Variants in RCOR3 observed in about 807,000 individuals in gnomAD.
The protein encoded by RCOR3 is REST corepressor 3.
In RCOR3, 13 loss-of-function variants were observed where a neutral mutation model predicts 64.1. The observed-to-expected ratio is 0.20, with a 90% CI of 0.13 to 0.32. RCOR3 has a LOEUF of 0.32. RCOR3 is among the 10% of genes least tolerant of loss of function. The pLI is 1.00. For missense variants in RCOR3, 489 were observed against 701.2 expected, an observed-to-expected ratio of 0.70 and a Z score of 3.42; for synonymous variants, 215 against 239.0, an observed-to-expected ratio of 0.90 and a Z score of 0.93.
chr1:211,270,648 A>T (rs1177099871), intron 2 of RCOR3, among the ~76,000 whole-genome samples: 1 of 152,030 alleles, frequency 6.6e-6, no homozygotes, highest in East Asian at 1.9e-4. Flanking sequence ...CAGATTTATT[A>T]CCTTCTGTCA....
At chr1:211,299,062 A>C (rs1700123913) in intron 9 of RCOR3, among the ~76,000 whole-genome samples, 1 of 152,176 alleles carries the variant, frequency 6.6e-6, no homozygotes, top group Non-Finnish European at 1.5e-5. Context: ...AATTAAGTCA[A>C]ATGGAAAGAC....
rs1475721664 is a variant in RCOR3, at chr1:211,295,657, T to C, written c.940-19T>C. 6.2e-7 allele frequency: 1 copy of C among 1,608,556 alleles called. No individual in the cohort carries two copies. The highest frequency in any genetic ancestry group is 8.5e-7 in the Non-Finnish European group (1 of 1,175,274). ...CTAAGTACGCGATCTGATTCACATT[T>C]GGGGTTATTTTGTTGAAGGTTCAGA... On this transcript the variant is annotated intron_variant, in intron 8 of 11. Coordinates refer to ENST00000419091, the MANE Select transcript of RCOR3 (RefSeq NM_001136223.3).
chr1:211,280,618 G>C (rs528125540), intron 7 of RCOR3, among the ~76,000 whole-genome samples: 1 of 152,220 alleles, frequency 6.6e-6, no homozygotes, highest in Admixed American at 6.5e-5. Flanking sequence ...TTCTCCACCA[G>C]TTATCCTTTG....
chr1:211,313,098 ATC>A lies in RCOR3; in HGVS notation c.1317+142_1317+143del, dbSNP rs1701658395. The A allele has an allele frequency of 2.0e-6, 3 of 1,533,572 alleles. No homozygotes were observed. The highest frequency in any genetic ancestry group is 1.4e-5 in the African/African-American group (1 of 72,416). 95.0% of individuals were successfully genotyped at this position (1,533,572 alleles called of 1,614,324 possible). On this transcript the variant is annotated intron_variant, in intron 11 of 11. Transcript: ENST00000419091. This position sits in a 1 kb window ranked among gnomAD's most constrained non-coding sequence, Gnocchi z 4.7. The stretch of plus-strand genomic sequence containing the variant: ...TGACAATACACTTCTTCAGTGGTGC[ATC>A]TCTCGTGACTCTTAAGTCATAATGA...
chr1:211,288,576 ATTTAT>A (rs1050854560), intron 7 of RCOR3, among the ~76,000 whole-genome samples: 2 of 147,118 alleles, frequency 1.4e-5, no homozygotes, highest in East Asian at 1.9e-4. Context: ...ATTTTATTAT[ATTTAT>A]TTTATTTATT....
intron 8 of RCOR3, among the ~76,000 whole-genome samples, chr1:211,295,066 T>TTTTTTTTTTTTTTG (rs1553259603): frequency 2.6e-5 from 3 of 113,316 alleles, no homozygotes; most frequent in Admixed American, 1.0e-4. Context: ...TTTTTTTTTT[T>TTTTTTTTTTTTTTG]TCATAGAGAC....
chr1:211,293,112 A>AATAAATAAATAG (rs1161474009), intron 8 of RCOR3, among the ~76,000 whole-genome samples: 1 of 148,912 alleles, frequency 6.7e-6, no homozygotes, highest in African/African-American at 2.4e-5. Flanking sequence ...TAAATAAATA[A>AATAAATAAATAG]ATAAATAAGT....
chr1:211,285,310 C>T (rs1398122641), intron 7 of RCOR3, among the ~76,000 whole-genome samples: 1 of 152,178 alleles, frequency 6.6e-6, no homozygotes, highest in African/African-American at 2.4e-5. Context: ...GTTTTTGACT[C>T]ATTCACATTG....
At chr1:211,268,186 T>C (rs896786939) in intron 2 of RCOR3, among the ~76,000 whole-genome samples, 1 of 152,116 alleles carries the variant, frequency 6.6e-6, no homozygotes, top group Non-Finnish European at 1.5e-5. Context: ...ATATTCACTT[T>C]ATATAACATT....
intron 7 of RCOR3, among the ~76,000 whole-genome samples, chr1:211,284,591 A>G (rs1698278193): frequency 6.6e-6 from 1 of 152,096 alleles, no homozygotes; most frequent in Non-Finnish European, 1.5e-5. Flanking sequence ...TGACACAATC[A>G]TAGCTCACTT....
chr1:211,295,841 G>T, intron 9 of RCOR3, 88 bp downstream of exon 9: 1 of 885,842 alleles, frequency 1.1e-6, no homozygotes, highest in Non-Finnish European at 1.8e-6. Context: ...TTGGTCACAT[G>T]CATCATTAAT....
chr1:211,263,638 T>A lies in RCOR3; in HGVS notation c.223+3474T>A, dbSNP rs1694735687. ...TTATCAATCAAATGTAGATTATTAG[T>A]TATTGGGCATTTTTTACAGGGAAAT... On this transcript the variant is annotated intron_variant, in intron 2 of 11. Transcript: ENST00000419091. 2.0e-5 allele frequency among the ~76,000 whole-genome samples: 3 copies of A among 152,182 alleles called. 1 individual carries two copies. The South Asian group carries it at 6.2e-4, about 32-fold the overall frequency.
At position 211,279,240 on chromosome 1, in the gene RCOR3, A is replaced by G. The variant is rs1697436557; in HGVS notation, c.644A>G (p.Asp215Gly). 6.3e-7 allele frequency: 1 copy of G among 1,597,266 alleles called. No homozygotes were observed. Among genetic ancestry groups the G allele is most frequent in the Admixed American group, 1.7e-5 (1 of 57,550 alleles). The change falls in exon 7 of 12, where the codon GAT becomes GGT. Residue 215 changes from aspartate to glycine, a missense_variant and splice_region_variant. By Grantham distance (94) the Asp-to-Gly change is moderately conservative. This residue lies in a region of RCOR3 where 402 missense variants were observed against 617.0 expected (regional missense o/e 0.65). Coordinates refer to ENST00000419091, the MANE Select transcript of RCOR3 (RefSeq NM_001136223.3). ...TACTAATTTTTGTTTCTTCTCAGTGATGATGATGTAGAAGAAACACATCCA... is the reference window on the plus strand; with the variant it reads ...TACTAATTTTTGTTTCTTCTCAGTGGTGATGATGTAGAAGAAACACATCCA... ...LANRHNQGDS[D>G]DDVEETHPMD...
intron 7 of RCOR3, among the ~76,000 whole-genome samples, chr1:211,288,837 T>A (rs543349291): frequency 1.3e-5 from 2 of 151,970 alleles, no homozygotes; most frequent in Non-Finnish European, 2.9e-5. Context: ...AGGTGGCTTT[T>A]CCCCCCCTTT....
At position 211,275,479 on chromosome 1, in the gene RCOR3, C is replaced by CA. The variant is rs147524756; in HGVS notation, c.355-777dup. On this transcript the variant is annotated intron_variant, in intron 4 of 11. Transcript: ENST00000419091. The stretch of plus-strand genomic sequence containing the variant: ...CCTGTGTATTTTAAAGGACTGTTAT[C>CA]AGAGTACAGAAATTAACAAACTCAC... Among the ~76,000 whole-genome samples, 1,378 of 152,144 alleles carry CA rather than the reference C, an allele frequency of 9.1e-3. 15 individuals carry two copies. The highest frequency in any genetic ancestry group is 0.032 in the African/African-American group (1,309 of 41,530).
chr1:211,302,604 AAAAC>A (rs1194001011), intron 9 of RCOR3: 3 of 152,236 alleles, frequency 2.0e-5, no homozygotes, highest in Non-Finnish European at 4.4e-5. Flanking sequence ...TATTTTTAAA[AAAAC>A]TAATTTCTAC....
At chr1:211,300,153 C>T (rs1462061748) in intron 9 of RCOR3, among the ~76,000 whole-genome samples, 1 of 150,646 alleles carries the variant, frequency 6.6e-6, no homozygotes, top group African/African-American at 2.4e-5. Context: ...TCTCTGCAAC[C>T]TCCATCTCCT....
intron 7 of RCOR3, among the ~76,000 whole-genome samples, chr1:211,282,890 T>C (rs1698012716): frequency 1.3e-5 from 2 of 152,252 alleles, no homozygotes; most frequent in Non-Finnish European, 1.5e-5. Flanking sequence ...TTATCACATA[T>C]ATATAATCAC....
At chr1:211,263,230 C>A (rs1269330230) in intron 2 of RCOR3, among the ~76,000 whole-genome samples, 1 of 151,776 alleles carries the variant, frequency 6.6e-6, no homozygotes, top group African/African-American at 2.4e-5. Context: ...GCATAGTATT[C>A]CATGGTGTAT....
Sources: allele counts gnomAD v4.1 joint callset (sites outside exome capture counted in the v4.1 genomes callset), GRCh38; gene constraint gnomAD v4.1.1; regional missense constraint gnomAD v4.1.1; non-coding constraint Gnocchi (gnomAD v3.1); transcripts MANE v1.5; gene names NCBI Gene and HGNC (gene_info 2026-07-23, HGNC 2026-07-21).